The following TG variants were observed in gnomAD, a reference collection of about 807,000 sequenced individuals.
TG encodes the protein thyroglobulin.
Under a neutral mutation model 324.7 loss-of-function variants are expected in TG, and 270 were observed. The observed-to-expected ratio is 0.83, with a 90% CI of 0.75 to 0.92. The LOEUF is 0.92. Among genes scored for constraint, TG ranks in the 40% least tolerant of loss-of-function variants. TG has a pLI of 0.00. For synonymous variants in TG, 1,401 were observed against 1,327.0 expected, an observed-to-expected ratio of 1.06 and a Z score of -1.21; for missense variants, 3,591 against 3,456.4, an observed-to-expected ratio of 1.04 and a Z score of -0.98.
chr8:133,027,827 C>G (rs1202263858), intron 40 of TG, among the ~76,000 whole-genome samples: 1 of 152,182 alleles, frequency 6.6e-6, no homozygotes, highest in Non-Finnish European at 1.5e-5. Context: ...AAGCTCATTC[C>G]CTCTAAAGTT....
At position 132,867,178 on chromosome 8, in the gene TG, C is replaced by T. The variant is rs563845155; in HGVS notation, c.67+111C>T. 34 of 983,762 alleles carry T rather than the reference C, an allele frequency of 3.5e-5. 1 individual carries two copies. The East Asian group carries it at 8.2e-4, about 24-fold the overall frequency. The allele number at this position is 983,762 out of a possible 1,614,324, so 60.9% of individuals were successfully genotyped here. A position where few individuals can be genotyped will look rare whatever the true frequency, so the allele number is the denominator to read the frequency against. On this transcript the variant is annotated intron_variant, in intron 1 of 47. Transcript: ENST00000220616. Reference sequence around the variant, plus strand: ...ATCTAATTTAATCTTCACAAATTCCCACATGTCAGTGATTTGCTTTTTTTT... The same window carrying T: ...ATCTAATTTAATCTTCACAAATTCCTACATGTCAGTGATTTGCTTTTTTTT...
rs780406166 is a variant in TG, at chr8:132,966,685, T to C, written c.5674T>C (p.Trp1892Arg). 6.2e-7 allele frequency: 1 copy of C among 1,614,118 alleles called. No homozygotes were observed. Among genetic ancestry groups the C allele is most frequent in the South Asian group, 1.1e-5 (1 of 91,086 alleles). Residue 1892 changes from tryptophan (W) to arginine (R), a missense_variant, in exon 30 of 48, where the codon TGG (tryptophan) becomes CGG (arginine). Transcript: ENST00000220616. The part of the protein sequence containing the change: ...HLFSAQQANL[W>R]CLSRCVQEHS... ...GTTTTCAGCCCAGCAGGCAAACCTA[T>C]GGTGCCTTTCTCGTAAGTATCCTTA...
chr8:132,886,526 A>C lies in TG; in HGVS notation c.1154A>C (p.Gln385Pro). Residue 385 changes from glutamine to proline, a missense_variant, in exon 9 of 48, where the codon CAG becomes CCG. Physicochemically the swap from Gln to Pro is moderately conservative, Grantham distance 76. Coordinates refer to ENST00000220616, the MANE Select transcript of TG (RefSeq NM_003235.5). ...TTTGGGACCTCAGGCTACTTCAGCC[A>C]GCACGACCTGTTCTCTTCCCCAGAG... ...LYFGTSGYFSQHDLFSSPEKR... is the reference protein window; with the variant it reads ...LYFGTSGYFSPHDLFSSPEKR... 6.2e-7 allele frequency: 1 copy of C among 1,614,194 alleles called. No homozygotes were observed. Among genetic ancestry groups the C allele is most frequent in the Non-Finnish European group, 8.5e-7 (1 of 1,180,020 alleles).
intron 24 of TG, among the ~76,000 whole-genome samples, chr8:132,934,086 A>C (rs1390786986): frequency 6.6e-6 from 1 of 152,096 alleles, no homozygotes; most frequent in African/African-American, 2.4e-5. Context: ...TAATCCTAGC[A>C]CTTTGGGAGG....
chr8:132,984,725 C>G (rs1200859158), intron 35 of TG, among the ~76,000 whole-genome samples: 1 of 152,070 alleles, frequency 6.6e-6, no homozygotes, highest in Non-Finnish European at 1.5e-5. Context: ...GGGTGGATCA[C>G]GAGATCAGGA....
intron 27 of TG, among the ~76,000 whole-genome samples, chr8:132,956,735 A>G (rs983423480): frequency 1.3e-5 from 2 of 152,136 alleles, no homozygotes; most frequent in Admixed American, 1.3e-4. Context: ...GACCAAAGGT[A>G]GGTTTGTCTT....
intron 41 of TG, among the ~76,000 whole-genome samples, chr8:133,078,534 A>G (rs974153407): frequency 6.6e-6 from 1 of 152,160 alleles, no homozygotes; most frequent in Admixed American, 6.5e-5. Flanking sequence ...GTCCAAGAAT[A>G]TTGTCATTTA....
chr8:132,987,840 C>G (rs1014247697), intron 35 of TG, among the ~76,000 whole-genome samples: 4 of 152,154 alleles, frequency 2.6e-5, no homozygotes, highest in African/African-American at 9.6e-5. Flanking sequence ...AACTCACCTG[C>G]CTGCTAAACT....
intron 34 of TG, among the ~76,000 whole-genome samples, chr8:132,981,195 G>A (rs1428693634): frequency 6.6e-6 from 1 of 152,212 alleles, no homozygotes; most frequent in African/African-American, 2.4e-5. Context: ...GCAGCAGACT[G>A]TGTGGCAAAT....
At chr8:132,983,494 C>T (rs1831155999) in intron 35 of TG, 82 bp downstream of exon 35, 1 of 1,387,834 alleles carries the variant, frequency 7.2e-7, no homozygotes, top group Non-Finnish European at 1.0e-6. Flanking sequence ...TGCTTTTGTA[C>T]AGAAGTTGAT....
chr8:132,882,653 G>A (rs1325963207), intron 7 of TG, 41 bp downstream of exon 7: 8 of 1,614,140 alleles, frequency 5.0e-6, no homozygotes, highest in South Asian at 1.1e-5. Context: ...TTTCCATTAG[G>A]GGGACGCCTC....
intron 45 of TG, among the ~76,000 whole-genome samples, chr8:133,122,766 A>G (rs16904839): frequency 0.017 from 2,591 of 152,172 alleles, 67 homozygotes; most frequent in African/African-American, 0.059. Context: ...GTGTATCTGT[A>G]TGTACAATAC....
intron 43 of TG, among the ~76,000 whole-genome samples, chr8:133,106,769 C>A (rs1410486651): frequency 6.6e-6 from 1 of 152,194 alleles, no homozygotes; most frequent in Non-Finnish European, 1.5e-5. Context: ...GTCCATATCA[C>A]ATAGATGTGC....
intron 41 of TG, among the ~76,000 whole-genome samples, chr8:133,089,055 A>G (rs865996445): frequency 2.6e-5 from 4 of 152,340 alleles, no homozygotes; most frequent in South Asian, 2.1e-4. Flanking sequence ...GGCACCTTCC[A>G]GGTGTGGGTG....
At chr8:132,994,935 CTTG>C (rs1587713889) in intron 35 of TG, 1 of 1,093,344 alleles carries the variant, frequency 9.1e-7, no homozygotes, top group Non-Finnish European at 1.1e-6. Flanking sequence ...TGAAGATTCT[CTTG>C]TTGTGAGAGG....
chr8:132,888,532 G>A lies in TG; in HGVS notation c.2725G>A (p.Glu909Lys), dbSNP rs1815753772. 4 of 1,611,656 alleles carry A rather than the reference G, an allele frequency of 2.5e-6. No individual in the cohort carries two copies. The highest frequency in any genetic ancestry group is 2.2e-5 in the East Asian group (1 of 44,896). The change falls in exon 10 of 48, where the codon GAA (glutamate) becomes AAA (lysine). Residue 909 changes from glutamate to lysine, a missense_variant. Coordinates refer to ENST00000220616, the MANE Select transcript of TG (RefSeq NM_003235.5). Reference protein sequence around the residue: ...WCVDEAGQELEGMRSEPSKLP... With the variant: ...WCVDEAGQELKGMRSEPSKLP... ...TGTGGATGAGGCTGGCCAAGAACTG[G>A]AAGGAATGCGGTCTGAGCCAAGCAA...
chr8:132,956,525 A>T (rs1826897000), intron 27 of TG, among the ~76,000 whole-genome samples: 2 of 152,220 alleles, frequency 1.3e-5, no homozygotes, highest in Admixed American at 1.3e-4. Flanking sequence ...TGAAAGAATG[A>T]GTAGAGGTCA....
intron 37 of TG, among the ~76,000 whole-genome samples, chr8:133,014,445 G>A (rs1834839938): frequency 6.6e-6 from 1 of 152,152 alleles, no homozygotes; most frequent in African/African-American, 2.4e-5. Context: ...GGGCATCTGG[G>A]GGAATCCCCT....
chr8:132,872,994 A>G, intron 4 of TG, 68 bp from the exon 5 acceptor site: 1 of 1,558,034 alleles, frequency 6.4e-7, no homozygotes, highest in South Asian at 1.1e-5. Flanking sequence ...ACGAGTGCAT[A>G]TGCTGCTCGA....
Sources: gnomAD v4.1 joint callset for allele counts (sites outside exome capture counted in the v4.1 genomes callset) on GRCh38, gnomAD v4.1.1 for gene constraint, MANE v1.5 for transcripts, NCBI Gene and HGNC (gene_info 2026-07-23, HGNC 2026-07-21) for gene names.